Variants in MIPOL1 observed in about 807,000 individuals in gnomAD.
MIPOL1 encodes mirror-image polydactyly gene 1 protein.
In MIPOL1, 57 loss-of-function variants were observed where a neutral mutation model predicts 60.9. The observed-to-expected ratio is 0.94, with a 90% CI of 0.76 to 1.17. The LOEUF (loss-of-function observed/expected upper bound fraction) is 1.17, where lower values mean the gene tolerates loss of function less well. MIPOL1 is among the 50% of genes most tolerant of loss of function. MIPOL1 has a pLI of 0.00. For synonymous variants in MIPOL1, 179 were observed against 168.8 expected (o/e 1.06, Z -0.47); for missense variants, 551 against 511.6 (o/e 1.08, Z -0.74).
intron 12 of MIPOL1, among the ~76,000 whole-genome samples, chr14:37,512,286 G>A (rs553356891): frequency 1.2e-3 from 72 of 59,188 alleles, no homozygotes; most frequent in Non-Finnish European, 2.1e-4. Context: ...TCCTGCTGAC[G>A]AGTAAGAGTC....
chr14:37,220,851 C>T (rs1353057369), intron 1 of MIPOL1, among the ~76,000 whole-genome samples: 2 of 152,154 alleles, frequency 1.3e-5, no homozygotes, highest in African/African-American at 4.8e-5. Context: ...TCATAGCTTA[C>T]TGCAGCCTCG....
At chr14:37,502,864 A>G (rs916778536) in intron 12 of MIPOL1, 3 of 152,186 alleles carry the variant, frequency 2.0e-5, no homozygotes, top group African/African-American at 7.2e-5. Context: ...CAAGGAAGCT[A>G]AAAACCTTGA....
At position 37,336,481 on chromosome 14, in the gene MIPOL1, C is replaced by T. The variant is rs553330203; in HGVS notation, c.828+27962C>T. ...CACTCATAAGCCCAACAAAGGCATT[C>T]TTTATTTCTGTTATAGTGTTTTTGA... On this transcript the variant is annotated intron_variant, in intron 9 of 12. Transcript: ENST00000684589. Among the ~76,000 whole-genome samples the T allele has an allele frequency of 2.0e-4, 30 of 150,974 alleles. No homozygotes were observed. The South Asian group carries it at 6.0e-3, about 30-fold the overall frequency.
chr14:37,525,875 G>C (rs1016971932), intron 12 of MIPOL1, among the ~76,000 whole-genome samples: 1 of 152,164 alleles, frequency 6.6e-6, no homozygotes, highest in Non-Finnish European at 1.5e-5. Flanking sequence ...GATAACCAGT[G>C]AAGACTTTAC....
At chr14:37,447,623 A>G (rs1373686844) in intron 11 of MIPOL1, among the ~76,000 whole-genome samples, 1 of 152,150 alleles carries the variant, frequency 6.6e-6, no homozygotes, top group African/African-American at 2.4e-5. Flanking sequence ...TATGTATTAT[A>G]AGCTGTAAGA....
chr14:37,521,912 T>TA (rs2095416681), intron 12 of MIPOL1, among the ~76,000 whole-genome samples: 6 of 20,646 alleles, frequency 2.9e-4, no homozygotes, highest in Non-Finnish European at 5.3e-4. Context: ...ATATATATAT[T>TA]TTTTTTTTCT....
intron 3 of MIPOL1, among the ~76,000 whole-genome samples, chr14:37,256,125 T>C (rs1974884721): frequency 6.6e-6 from 1 of 151,874 alleles, no homozygotes; most frequent in Admixed American, 6.6e-5. Flanking sequence ...AGTTTTAGTA[T>C]AGAAATATAA....
At chr14:37,374,789 C>G (rs2092729726) in intron 10 of MIPOL1, among the ~76,000 whole-genome samples, 1 of 151,934 alleles carries the variant, frequency 6.6e-6, no homozygotes, top group South Asian at 2.1e-4. Context: ...GTTACTGTAG[C>G]CTCGTATAGT....
At chr14:37,403,677 A>G (rs577708745) in intron 10 of MIPOL1, among the ~76,000 whole-genome samples, 20 of 150,456 alleles carry the variant, frequency 1.3e-4, no homozygotes, top group South Asian at 6.4e-4. Context: ...TTTTATTACA[A>G]CCTTTCTTGG....
At chr14:37,215,482 A>G (rs1346091879) in intron 1 of MIPOL1, among the ~76,000 whole-genome samples, 2 of 152,092 alleles carry the variant, frequency 1.3e-5, no homozygotes, top group Non-Finnish European at 2.9e-5. Flanking sequence ...AAAACATAAA[A>G]TGGATACACA....
At chr14:37,394,215 G>T (rs186758829) in intron 10 of MIPOL1, among the ~76,000 whole-genome samples, 16 of 151,016 alleles carry the variant, frequency 1.1e-4, no homozygotes, top group African/African-American at 3.2e-4. Context: ...GAATTTTGCT[G>T]CTATGAACAT....
intron 10 of MIPOL1, among the ~76,000 whole-genome samples, chr14:37,377,086 C>G (rs899971971): frequency 2.0e-5 from 3 of 152,078 alleles, no homozygotes; most frequent in African/African-American, 7.2e-5. Flanking sequence ...AACCAAATGC[C>G]TAATTTGACT....
intron 11 of MIPOL1, among the ~76,000 whole-genome samples, chr14:37,473,793 A>G (rs780800205): frequency 2.6e-5 from 4 of 152,222 alleles, no homozygotes; most frequent in South Asian, 4.1e-4. Context: ...GTACAGTTCT[A>G]TGGCTTTGAA....
At chr14:37,413,068 C>T (rs1335698977) in intron 10 of MIPOL1, among the ~76,000 whole-genome samples, 1 of 151,910 alleles carries the variant, frequency 6.6e-6, no homozygotes, top group Admixed American at 6.6e-5. Context: ...TTCAATGCCA[C>T]ATTGTGGAAG....
intron 1 of MIPOL1, among the ~76,000 whole-genome samples, chr14:37,204,164 C>T (rs1335146355): frequency 6.6e-6 from 1 of 152,014 alleles, no homozygotes; most frequent in Non-Finnish European, 1.5e-5. Flanking sequence ...GAGATGACTG[C>T]ACCCCTGGCT....
chr14:37,546,265 A>G (rs1415393530), intron 12 of MIPOL1, among the ~76,000 whole-genome samples: 2 of 152,312 alleles, frequency 1.3e-5, no homozygotes, highest in Non-Finnish European at 1.5e-5. Context: ...TAGTGCATCT[A>G]TGCTACTCAG....
intron 12 of MIPOL1, among the ~76,000 whole-genome samples, chr14:37,519,363 G>A (rs973598311): frequency 6.6e-6 from 1 of 152,196 alleles, no homozygotes; most frequent in Non-Finnish European, 1.5e-5. Flanking sequence ...ATGGCAGATA[G>A]ACCTAAACCA....
At chr14:37,400,976 A>G (rs2093470852) in intron 10 of MIPOL1, 1 of 152,158 alleles carries the variant, frequency 6.6e-6, no homozygotes, top group Non-Finnish European at 1.5e-5. Flanking sequence ...TTTAAAGGAG[A>G]AGAAAATGTT....
chr14:37,455,088 C>T (rs1459687450), intron 11 of MIPOL1, among the ~76,000 whole-genome samples: 3 of 152,114 alleles, frequency 2.0e-5, no homozygotes, highest in Admixed American at 2.0e-4. Flanking sequence ...TACATCAAAA[C>T]TATCTGCTGG....
Sources: gnomAD v4.1 joint callset for allele counts (sites outside exome capture counted in the v4.1 genomes callset) on GRCh38, gnomAD v4.1.1 for gene constraint, MANE v1.5 for transcripts, NCBI Gene and HGNC (gene_info 2026-07-23, HGNC 2026-07-21) for gene names.